Variants in CNTN4 observed in about 807,000 individuals in gnomAD.
CNTN4 encodes the protein contactin 4, also known as contactin-4.
CNTN4 carries 77 observed loss-of-function variants against 122.5 expected under a neutral mutation model. The observed-to-expected ratio is 0.63, with a 90% confidence interval of 0.52 to 0.76. The LOEUF (loss-of-function observed/expected upper bound fraction) is 0.76. Among genes scored for constraint, CNTN4 ranks in the 30% least tolerant of loss-of-function variants. The pLI, the probability that CNTN4 is intolerant of heterozygous loss-of-function variation, is 0.00. For synonymous variants in CNTN4, 512 were observed against 447.0 expected, an observed-to-expected ratio of 1.15 and a Z score of -1.83; for missense variants, 1,256 against 1,259.1, an observed-to-expected ratio of 1.00 and a Z score of 0.04.
At position 2,571,594 on chromosome 3, in the gene CNTN4, T is replaced by C. The variant is rs1433673445; in HGVS notation, c.55+36T>C. ...ATTTTAAAACTTTTTGATTTAGAAA[T>C]GCCACTGTATTTCACACTAATTCAA... On this transcript the variant is annotated intron_variant, in intron 4 of 24. Coordinates refer to ENST00000418658, the MANE Select transcript of CNTN4 (RefSeq NM_175607.3). 3 of 1,489,078 alleles carry C rather than the reference T, an allele frequency of 2.0e-6. No homozygotes were observed. In the Admixed American group the frequency reaches 5.0e-5, roughly 25 times the overall value. 92.2% of individuals were successfully genotyped at this position (1,489,078 alleles called of 1,614,324 possible). A position where few individuals can be genotyped will look rare whatever the true frequency, so the allele number is the denominator to read the frequency against.
At chr3:3,012,231 C>T (rs1258475497) in intron 14 of CNTN4, among the ~76,000 whole-genome samples, 2 of 152,156 alleles carry the variant, frequency 1.3e-5, no homozygotes, top group East Asian at 1.9e-4. Context: ...TATCTTTACA[C>T]CTGGAAGAGG....
At chr3:2,668,804 G>C (rs534863083) in intron 4 of CNTN4, among the ~76,000 whole-genome samples, 3 of 152,022 alleles carry the variant, frequency 2.0e-5, no homozygotes, top group Admixed American at 2.0e-4. Flanking sequence ...TAGCATGAAG[G>C]GCTGTTGAAT....
At position 3,023,028 on chromosome 3, in the gene CNTN4, C is replaced by G. The variant is rs144643452; in HGVS notation, c.1487-3074C>G. Among the ~76,000 whole-genome samples the G allele has an allele frequency of 5.8e-3, 878 of 152,106 alleles. 1 individual carries two copies. The highest frequency in any genetic ancestry group is 8.9e-3 in the Non-Finnish European group (604 of 67,986). On this transcript the variant is annotated intron_variant, in intron 14 of 24. Coordinates refer to ENST00000418658, the MANE Select transcript of CNTN4 (RefSeq NM_175607.3). The stretch of plus-strand genomic sequence containing the variant: ...CTTCCTGATCTCGATGAATTAAAAC[C>G]AAAGGAGAGGAGACAGTTTGTTTTG...
intron 2 of CNTN4, among the ~76,000 whole-genome samples, chr3:2,213,299 A>G (rs1400086340): frequency 6.6e-6 from 1 of 152,138 alleles, no homozygotes; most frequent in Non-Finnish European, 1.5e-5. Context: ...TTTCAGTCCA[A>G]TATTCTTTCT....
intron 4 of CNTN4, among the ~76,000 whole-genome samples, chr3:2,683,350 A>T (rs1268188283): frequency 1.4e-5 from 2 of 145,400 alleles, no homozygotes; most frequent in Non-Finnish European, 3.0e-5. Context: ...ACACACACAC[A>T]CACGCAGGTG....
rs1029898601 is a variant in CNTN4 at position 2,620,444 on chromosome 3, C to T, written c.55+48886C>T. Reference sequence around the variant, plus strand: ...GAGCCCAGCAGGTTGAGGCTGCAGTCAGCCATGATCGTGCCACTGTGCTCC... The same window carrying T: ...GAGCCCAGCAGGTTGAGGCTGCAGTTAGCCATGATCGTGCCACTGTGCTCC... On this transcript the variant is annotated intron_variant, in intron 4 of 24. Coordinates refer to ENST00000418658, the MANE Select transcript of CNTN4 (RefSeq NM_175607.3). 3.3e-5 allele frequency among the ~76,000 whole-genome samples: 5 copies of T among 152,194 alleles called. No individual in the cohort carries two copies. In the East Asian group the frequency reaches 9.7e-4, roughly 29 times the overall value.
At chr3:2,110,719 C>T (rs1241168210) in intron 2 of CNTN4, 1 of 130,400 alleles carries the variant, frequency 7.7e-6, no homozygotes, top group African/African-American at 2.6e-5. Context: ...GCCTGTTTCT[C>T]CCCTCCCCGC....
chr3:2,960,719 G>A (rs2094844134), intron 13 of CNTN4, among the ~76,000 whole-genome samples: 1 of 152,138 alleles, frequency 6.6e-6, no homozygotes, highest in African/African-American at 2.4e-5. Flanking sequence ...GAATCCAGGG[G>A]CAGGTTGATT....
At chr3:2,166,899 G>C (rs1037969487) in intron 2 of CNTN4, among the ~76,000 whole-genome samples, 12 of 151,978 alleles carry the variant, frequency 7.9e-5, no homozygotes, top group African/African-American at 2.9e-4. Context: ...TAACACATAA[G>C]AAAAAGAAAG....
chr3:2,218,574 C>G (rs924298059), intron 2 of CNTN4, among the ~76,000 whole-genome samples: 13 of 152,142 alleles, frequency 8.5e-5, no homozygotes, highest in Non-Finnish European at 1.9e-4. Flanking sequence ...ATAGCCAAGT[C>G]TAAACATGTA....
rs531372187 is a variant in CNTN4 at position 2,755,379 on chromosome 3, CAT to C, written c.358+9683_358+9684del. Among the ~76,000 whole-genome samples the C allele has an allele frequency of 3.6e-3, 543 of 152,232 alleles. 7 individuals are homozygous for C. Among genetic ancestry groups the C allele is most frequent in the African/African-American group, 0.012 (511 of 41,562 alleles). ...ACTGAAATGTAATCAACTTTAGAAA[CAT>C]TTGGGTATCAAAAGTAAAAATATTT... On this transcript the variant is annotated intron_variant, in intron 6 of 24. Coordinates refer to ENST00000418658, the MANE Select transcript of CNTN4 (RefSeq NM_175607.3).
intron 3 of CNTN4, among the ~76,000 whole-genome samples, chr3:2,519,210 T>C (rs954292663): frequency 2.0e-5 from 3 of 152,176 alleles, no homozygotes; most frequent in African/African-American, 7.2e-5. Flanking sequence ...TAGCTCAAAA[T>C]AATCCTTTTG....
At chr3:2,967,356 C>A (rs1011205661) in intron 13 of CNTN4, among the ~76,000 whole-genome samples, 1 of 152,108 alleles carries the variant, frequency 6.6e-6, no homozygotes, top group African/African-American at 2.4e-5. Context: ...GTGATATTAT[C>A]CCCAAGAGCA....
At chr3:2,976,039 C>T (rs982967697) in intron 13 of CNTN4, among the ~76,000 whole-genome samples, 1 of 152,112 alleles carries the variant, frequency 6.6e-6, no homozygotes, top group African/African-American at 2.4e-5. Flanking sequence ...AAAATGACAT[C>T]CAAACATGTC....
At chr3:2,875,933 G>T (rs1252921109) in intron 8 of CNTN4, among the ~76,000 whole-genome samples, 1 of 152,194 alleles carries the variant, frequency 6.6e-6, no homozygotes, top group East Asian at 1.9e-4. Context: ...AGGAATTCAG[G>T]AAAACCAGTA....
intron 10 of CNTN4, among the ~76,000 whole-genome samples, chr3:2,889,598 A>G (rs2094016063): frequency 6.6e-6 from 1 of 152,196 alleles, no homozygotes; most frequent in South Asian, 2.1e-4. Context: ...TCTATATCAG[A>G]TAGGAACAAT....
Position 2,855,553 on chromosome 3 carries a change from C to G in CNTN4, c.455-11199C>G, listed in dbSNP as rs2093609025. Among the ~76,000 whole-genome samples the G allele has an allele frequency of 1.3e-5, 2 of 152,178 alleles. 1 individual carries two copies. Among genetic ancestry groups the G allele is most frequent in the South Asian group, 4.1e-4 (2 of 4,828 alleles). Reference sequence around the variant, plus strand: ...ATGGAGGCTTACTTAGTAAGGTGAACAAAAGTATCTGGCTCACTGGATCCA... The same window carrying G: ...ATGGAGGCTTACTTAGTAAGGTGAAGAAAAGTATCTGGCTCACTGGATCCA... On this transcript the variant is annotated intron_variant, in intron 7 of 24. Coordinates refer to ENST00000418658, the MANE Select transcript of CNTN4 (RefSeq NM_175607.3).
At chr3:2,977,931 T>TCCGC (rs895392775) in intron 13 of CNTN4, among the ~76,000 whole-genome samples, 1 of 152,012 alleles carries the variant, frequency 6.6e-6, no homozygotes, top group African/African-American at 2.4e-5. Context: ...GAGACACACA[T>TCCGC]CCGCACCATG....
chr3:2,600,206 CTTAGA>C (rs1055241740), intron 4 of CNTN4, among the ~76,000 whole-genome samples: 80 of 151,164 alleles, frequency 5.3e-4, no homozygotes, highest in African/African-American at 1.8e-3. Context: ...TGGAGGGCAG[CTTAGA>C]TTTTTTTTAT....
Sources: gnomAD v4.1 joint callset for allele counts (sites outside exome capture counted in the v4.1 genomes callset) on GRCh38, gnomAD v4.1.1 for gene constraint, MANE v1.5 for transcripts, NCBI Gene and HGNC (gene_info 2026-07-23, HGNC 2026-07-21) for gene names.